Variants in PLOD2 observed in about 807,000 individuals in gnomAD.
PLOD2 encodes the protein procollagen-lysine,2-oxoglutarate 5-dioxygenase 2, also known as lysine hydroxylase 2.
PLOD2 carries 65 observed loss-of-function variants against 101.0 expected under a neutral mutation model. The observed-to-expected ratio is 0.64, with a 90% CI of 0.53 to 0.79. The LOEUF (loss-of-function observed/expected upper bound fraction) is 0.79. PLOD2 is among the 30% of genes least tolerant of loss of function. The pLI is 0.00. For missense variants in PLOD2, 909 were observed against 914.6 expected (o/e 0.99, Z 0.08); for synonymous variants, 314 against 302.9 (o/e 1.04, Z -0.38).
intron 3 of PLOD2, among the ~76,000 whole-genome samples, chr3:146,113,080 A>C (rs2108074650): frequency 6.6e-6 from 1 of 152,314 alleles, no homozygotes; most frequent in East Asian, 1.9e-4. Flanking sequence ...TTATATAAAC[A>C]GTATAGCTCA....
chr3:146,104,304 A>G lies in PLOD2; in HGVS notation c.654T>C (p.Ile218=), dbSNP rs766063060. 9.4e-6 allele frequency: 15 copies of G among 1,595,764 alleles called. No homozygotes were observed. The highest frequency in any genetic ancestry group is 1.3e-5 in the Non-Finnish European group (15 of 1,163,334). Residue 218 remains isoleucine (I), a synonymous_variant, in exon 6 of 20, where the codon ATT becomes ATC. Coordinates refer to ENST00000282903, the MANE Select transcript of PLOD2 (RefSeq NM_182943.3). The stretch of plus-strand genomic sequence containing the variant: ...CTACAGCTCCATTTAAGGTCTGGAA[A>G]ATTTTGCATTTGTGATCCAATGTGA... ...INITLDHKCK[I]FQTLNGAVDE...
At chr3:146,104,368 T>C in intron 5 of PLOD2, 26 bp from the exon 6 acceptor site, 2 of 1,190,092 alleles carry the variant, frequency 1.7e-6, no homozygotes, top group Non-Finnish European at 2.5e-6. Context: ...AGAAATGATA[T>C]TGAAAATGAC....
At chr3:146,151,357 C>A (rs961391870) in intron 1 of PLOD2, among the ~76,000 whole-genome samples, 2 of 152,102 alleles carry the variant, frequency 1.3e-5, no homozygotes, top group South Asian at 4.1e-4. Flanking sequence ...ATTAGCAGGG[C>A]ATAGTAGCGC....
intron 10 of PLOD2, 87 bp downstream of exon 10, chr3:146,086,700 C>T: frequency 1.0e-6 from 1 of 958,584 alleles, no homozygotes; most frequent in Non-Finnish European, 1.5e-6. Flanking sequence ...CCAAATTTGG[C>T]ATAACAATTT....
intron 11 of PLOD2, among the ~76,000 whole-genome samples, chr3:146,083,571 C>CT (rs375664011): frequency 0.49 from 64,493 of 131,102 alleles, 15,544 homozygotes; most frequent in East Asian, 0.56. Context: ...GCAGGTAAGT[C>CT]TTTTTCTTTT....
rs143862299 is a variant in PLOD2, at chr3:146,098,010, G to A, written c.777+4745C>T. Among the ~76,000 whole-genome samples, 154 of 152,020 alleles carry A rather than the reference G, an allele frequency of 1.0e-3. 2 individuals carry two copies. The highest frequency in any genetic ancestry group is 3.4e-3 in the African/African-American group (142 of 41,494). On this transcript the variant is annotated intron_variant, in intron 7 of 19. Transcript: ENST00000282903. ...AGTGGGAGCTGAACAATGAGAACTC[G>A]TGGACACAGGGAGGGGAACATCACA...
chr3:146,127,277 T>G (rs944010805), intron 1 of PLOD2, among the ~76,000 whole-genome samples: 1 of 152,172 alleles, frequency 6.6e-6, no homozygotes, highest in Non-Finnish European at 1.5e-5. Flanking sequence ...ATTACCCACA[T>G]AGTGAACACT....
chr3:146,082,184 A>C (rs2108011764), intron 11 of PLOD2, among the ~76,000 whole-genome samples: 1 of 152,330 alleles, frequency 6.6e-6, no homozygotes, highest in Non-Finnish European at 1.5e-5. Flanking sequence ...TACTTTAGTT[A>C]TTTAATTATA....
intron 1 of PLOD2, among the ~76,000 whole-genome samples, chr3:146,152,457 G>A (rs1266676315): frequency 6.6e-6 from 1 of 152,000 alleles, no homozygotes; most frequent in Non-Finnish European, 1.5e-5. Context: ...AAAATTAAGT[G>A]TCCAATGGCT....
intron 2 of PLOD2, among the ~76,000 whole-genome samples, chr3:146,122,077 A>G (rs1336858194): frequency 6.6e-6 from 1 of 152,210 alleles, no homozygotes; most frequent in East Asian, 1.9e-4. Flanking sequence ...AACACACAAG[A>G]AAAGGATAAA....
chr3:146,107,621 AATTTT>A (rs1937558520), intron 4 of PLOD2, among the ~76,000 whole-genome samples: 1 of 134,422 alleles, frequency 7.4e-6, no homozygotes. Context: ...TTGCCATATA[AATTTT>A]TTTTTTTTTT....
intron 1 of PLOD2, among the ~76,000 whole-genome samples, chr3:146,151,497 CA>C (rs35401598): frequency 4.6e-4 from 63 of 137,612 alleles, no homozygotes; most frequent in African/African-American, 7.0e-4. Flanking sequence ...AACTCCGTTT[CA>C]AAAAAAAAAA....
chr3:146,101,910 G>T (rs887075392), intron 7 of PLOD2, among the ~76,000 whole-genome samples: 1 of 152,210 alleles, frequency 6.6e-6, no homozygotes, highest in South Asian at 2.1e-4. Context: ...AGATTAACTA[G>T]AAGAGACGGG....
chr3:146,120,378 T>C (rs530822090), intron 3 of PLOD2, among the ~76,000 whole-genome samples: 62 of 152,294 alleles, frequency 4.1e-4, no homozygotes, highest in Non-Finnish European at 7.5e-4. Context: ...AAAAATTTTC[T>C]CCCTTTCTGT....
intron 1 of PLOD2, chr3:146,160,671 C>T (rs1379814135): frequency 3.5e-6 from 2 of 563,428 alleles, no homozygotes; most frequent in Non-Finnish European, 6.3e-6. Flanking sequence ...CCGAGAACTC[C>T]AAGGAGTCAA....
In PLOD2 at chr3:146,082,133, G is replaced by A. The variant is rs1449442; in HGVS notation, c.1233-270C>T. Among the ~76,000 whole-genome samples, 20,267 of 152,046 alleles carry A rather than the reference G, an allele frequency of 0.13. 1,485 individuals carry two copies. Among genetic ancestry groups the A allele is most frequent in the East Asian group, 0.23 (1,206 of 5,172 alleles). On this transcript the variant is annotated intron_variant, in intron 11 of 19. Coordinates refer to ENST00000282903, the MANE Select transcript of PLOD2 (RefSeq NM_182943.3). ...AAAATGCTAATGAATACATAAAAAT[G>A]ACTTTTAAAAATGCCTTGCTTACAT...
At chr3:146,129,351 G>T (rs1251344747) in intron 1 of PLOD2, among the ~76,000 whole-genome samples, 1 of 151,896 alleles carries the variant, frequency 6.6e-6, no homozygotes, top group Non-Finnish European at 1.5e-5. Flanking sequence ...TAGTTGTCTG[G>T]CTGGCTGTGC....
chr3:146,157,623 CAG>C (rs2032363952), intron 1 of PLOD2, among the ~76,000 whole-genome samples: 1 of 152,200 alleles, frequency 6.6e-6, no homozygotes, highest in Admixed American at 6.5e-5. Flanking sequence ...TTGGTACAAT[CAG>C]AGTTTATTTT....
intron 16 of PLOD2, among the ~76,000 whole-genome samples, 198 bp from the exon 17 acceptor site, chr3:146,072,863 T>G (rs1936201619): frequency 6.6e-6 from 1 of 151,524 alleles, no homozygotes; most frequent in Non-Finnish European, 1.5e-5. Flanking sequence ...CATCTTACAT[T>G]CTCAAAAATT....
Sources: gnomAD v4.1 joint callset for allele counts (sites outside exome capture counted in the v4.1 genomes callset) on GRCh38, gnomAD v4.1.1 for gene constraint, MANE v1.5 for transcripts, NCBI Gene and HGNC (gene_info 2026-07-23, HGNC 2026-07-21) for gene names.